Variants in PDZRN4 observed in about 807,000 individuals in gnomAD.
PDZRN4 encodes PDZ domain containing ring finger 4, also known as PDZ domain-containing RING finger protein 4.
Under a neutral mutation model 99.0 loss-of-function variants are expected in PDZRN4, and 70 were observed. The observed-to-expected ratio is 0.71, with a 90% CI of 0.58 to 0.86. The LOEUF is 0.86. Ranked by LOEUF, PDZRN4 falls within the 40% of genes least tolerant of loss-of-function variation. PDZRN4 has a pLI of 0.00. For missense variants in PDZRN4, 1,474 were observed against 1,331.2 expected, an observed-to-expected ratio of 1.11 and a Z score of -1.67; for synonymous variants, 551 against 501.6, an observed-to-expected ratio of 1.10 and a Z score of -1.32.
chr12:41,535,962 C>T (rs1446556099), intron 5 of PDZRN4, among the ~76,000 whole-genome samples: 1 of 152,030 alleles, frequency 6.6e-6, no homozygotes, highest in African/African-American at 2.4e-5. Context: ...CTTTACAATC[C>T]CTTGGGAGGG....
chr12:41,497,346 T>G (rs778500486), intron 3 of PDZRN4, among the ~76,000 whole-genome samples: 34 of 152,164 alleles, frequency 2.2e-4, no homozygotes, highest in Admixed American at 2.6e-4. Context: ...TTATTGTATA[T>G]ATGCCTTATG....
At chr12:41,517,170 T>C in intron 5 of PDZRN4, among the ~76,000 whole-genome samples, 1 of 152,064 alleles carries the variant, frequency 6.6e-6, no homozygotes, top group Middle Eastern at 3.2e-3. Context: ...CACTAAACCT[T>C]ATTTCCTAAG....
At chr12:41,225,906 C>T (rs898617421) in intron 3 of PDZRN4, among the ~76,000 whole-genome samples, 1 of 152,102 alleles carries the variant, frequency 6.6e-6, no homozygotes, top group Non-Finnish European at 1.5e-5. Context: ...AGGCACCCCC[C>T]TGGAGTAGGT....
At chr12:41,524,514 G>A (rs905787323) in intron 5 of PDZRN4, among the ~76,000 whole-genome samples, 8 of 152,076 alleles carry the variant, frequency 5.3e-5, no homozygotes, top group South Asian at 2.1e-4. Context: ...TACAGAAAGG[G>A]AAAGTATAGA....
chr12:41,358,765 T>C (rs1413596669), intron 3 of PDZRN4, among the ~76,000 whole-genome samples: 6 of 151,990 alleles, frequency 3.9e-5, no homozygotes, highest in Admixed American at 2.0e-4. Flanking sequence ...ATTTTGTTTA[T>C]ACACTTTCAT....
chr12:41,532,778 T>C (rs1236613898), intron 5 of PDZRN4, among the ~76,000 whole-genome samples: 1 of 152,216 alleles, frequency 6.6e-6, no homozygotes, highest in Non-Finnish European at 1.5e-5. Context: ...AATATTTATA[T>C]ACCAAACCCT....
At chr12:41,190,388 A>G (rs1271485534) in intron 1 of PDZRN4, among the ~76,000 whole-genome samples, 1 of 152,224 alleles carries the variant, frequency 6.6e-6, no homozygotes, top group Non-Finnish European at 1.5e-5. Flanking sequence ...GACCCGGGGA[A>G]AAGCACAGAT....
chr12:41,402,207 TACATATATATACAC>T (rs1952297488), intron 3 of PDZRN4, among the ~76,000 whole-genome samples: 1 of 47,346 alleles, frequency 2.1e-5, no homozygotes, highest in African/African-American at 1.5e-4. Context: ...ACACTGAGTA[TACATATATATACAC>T]ACACACTGAG....
intron 3 of PDZRN4, among the ~76,000 whole-genome samples, chr12:41,431,647 G>A (rs74078833): frequency 6.6e-6 from 1 of 152,208 alleles, no homozygotes; most frequent in South Asian, 2.1e-4. Context: ...TCTTTGAAAT[G>A]TTATGCTCTT....
At chr12:41,220,897 G>C (rs1010044033) in intron 3 of PDZRN4, among the ~76,000 whole-genome samples, 2 of 152,152 alleles carry the variant, frequency 1.3e-5, no homozygotes, top group African/African-American at 4.8e-5. Flanking sequence ...TCTATTTTAG[G>C]CTCCACCTTT....
chr12:41,462,494 C>T (rs1015906236), intron 3 of PDZRN4, among the ~76,000 whole-genome samples: 38 of 152,128 alleles, frequency 2.5e-4, no homozygotes, highest in African/African-American at 8.2e-4. Flanking sequence ...TGAAGCTATC[C>T]AGGTAAAAAA....
intron 3 of PDZRN4, among the ~76,000 whole-genome samples, chr12:41,351,536 G>A (rs912056921): frequency 6.6e-6 from 1 of 151,984 alleles, no homozygotes; most frequent in Non-Finnish European, 1.5e-5. Flanking sequence ...AATCATGGTG[G>A]AAAGTGAAGG....
chr12:41,317,477 A>G (rs1951646424), intron 3 of PDZRN4, among the ~76,000 whole-genome samples: 1 of 152,136 alleles, frequency 6.6e-6, no homozygotes, highest in African/African-American at 2.4e-5. Context: ...CTCATCTAAA[A>G]AAATGCCTTC....
At chr12:41,355,305 G>A (rs1459661090) in intron 3 of PDZRN4, among the ~76,000 whole-genome samples, 3 of 151,960 alleles carry the variant, frequency 2.0e-5, no homozygotes, top group Admixed American at 6.6e-5. Context: ...CGAGTGGGGC[G>A]GTGATGACAC....
intron 3 of PDZRN4, among the ~76,000 whole-genome samples, chr12:41,277,869 T>G (rs1041940984): frequency 1.3e-5 from 2 of 152,246 alleles, no homozygotes; most frequent in African/African-American, 4.8e-5. Context: ...TGATTTTCTT[T>G]TCTTATGTCT....
At chr12:41,254,847 T>A (rs1052088304) in intron 3 of PDZRN4, among the ~76,000 whole-genome samples, 1 of 152,058 alleles carries the variant, frequency 6.6e-6, no homozygotes, top group Non-Finnish European at 1.5e-5. Flanking sequence ...ATTCCAACAT[T>A]TTGGGAAGCA....
chr12:41,278,687 C>T (rs557404602), intron 3 of PDZRN4, among the ~76,000 whole-genome samples: 1 of 152,116 alleles, frequency 6.6e-6, no homozygotes, highest in African/African-American at 2.4e-5. Context: ...CCAGTAGTTC[C>T]CTTGAAAGTC....
intron 3 of PDZRN4, chr12:41,437,887 A>T (rs191019128): frequency 1.2e-6 from 2 of 1,613,600 alleles, no homozygotes; most frequent in Non-Finnish European, 1.7e-6. Flanking sequence ...CTTTCAGTTC[A>T]CTTGCCTTTC....
chr12:41,495,365 G>A (rs149898196), intron 3 of PDZRN4, among the ~76,000 whole-genome samples: 1 of 152,066 alleles, frequency 6.6e-6, no homozygotes, highest in Non-Finnish European at 1.5e-5. Context: ...AACCTCTTCA[G>A]CTTGTATTTC....
Sources: allele counts gnomAD v4.1 joint callset (sites outside exome capture counted in the v4.1 genomes callset), GRCh38; gene constraint gnomAD v4.1.1; transcripts MANE v1.5; gene names NCBI Gene and HGNC (gene_info 2026-07-23, HGNC 2026-07-21).